PRKACB: variants seen among roughly 807,000 people sequenced by gnomAD.
PRKACB encodes protein kinase cAMP-activated catalytic subunit beta, also known as cAMP-dependent protein kinase catalytic subunit beta.
PRKACB carries 16 observed loss-of-function variants against 51.4 expected under a neutral mutation model. The ratio of observed to expected loss-of-function variants is 0.31; its 90% CI spans 0.21 to 0.47. PRKACB has a LOEUF of 0.47. PRKACB is among the 20% of genes least tolerant of loss of function. The pLI is 1.00. For synonymous variants in PRKACB, 147 were observed against 154.4 expected (o/e 0.95, Z 0.35); for missense variants, 309 against 464.5 (o/e 0.67, Z 3.08).
chr1:84,164,797 C>T (rs1305859772), intron 1 of PRKACB: 19 of 1,381,594 alleles, frequency 1.4e-5, no homozygotes, highest in Non-Finnish European at 1.8e-5. Context: ...CTGATGTTTA[C>T]TAGTGATATC....
intron 1 of PRKACB, among the ~76,000 whole-genome samples, chr1:84,109,086 T>C (rs1435196329): frequency 6.6e-6 from 1 of 152,018 alleles, no homozygotes; most frequent in Non-Finnish European, 1.5e-5. Context: ...AGTTGGAAAT[T>C]GTTCATTTTC....
At chr1:84,113,153 T>TG (rs1478752682) in intron 1 of PRKACB, among the ~76,000 whole-genome samples, 1 of 152,202 alleles carries the variant, frequency 6.6e-6, no homozygotes, top group Non-Finnish European at 1.5e-5. Flanking sequence ...ATGAGGTACC[T>TG]TTTTTAATTC....
rs140648391 is a variant in PRKACB at position 84,196,403 on chromosome 1, A to G, written c.561-213A>G. On this transcript the variant is annotated intron_variant, in intron 5 of 9. Coordinates refer to ENST00000370685, the MANE Select transcript of PRKACB (RefSeq NM_182948.4). ...TTAGGTTTATATTTTTCCTCAACAT[A>G]TGCTTCCCCATAAATTTATCAGAGC... 2.8e-3 allele frequency among the ~76,000 whole-genome samples: 434 copies of G among 152,300 alleles called. 2 individuals are homozygous for G. Among genetic ancestry groups the G allele is most frequent in the African/African-American group, 0.01 (418 of 41,578 alleles).
At chr1:84,148,751 T>G (rs749161541) in intron 1 of PRKACB, among the ~76,000 whole-genome samples, 14 of 152,208 alleles carry the variant, frequency 9.2e-5, no homozygotes, top group Non-Finnish European at 1.9e-4. Flanking sequence ...ACAAGCAGAC[T>G]TTATAGTAAA....
chr1:84,141,426 C>T (rs780306533), upstream of PRKACB, among the ~76,000 whole-genome samples: 33 of 151,772 alleles, frequency 2.2e-4, no homozygotes, highest in African/African-American at 4.1e-4. Flanking sequence ...ATCAAATATC[C>T]GAAGTACTTC....
chr1:84,082,564 A>T (rs953472670), intron 1 of PRKACB, among the ~76,000 whole-genome samples: 21 of 152,146 alleles, frequency 1.4e-4, no homozygotes, highest in Non-Finnish European at 2.8e-4. Context: ...GATAAAAAAA[A>T]TTATTATTTG....
intron 9 of PRKACB, among the ~76,000 whole-genome samples, chr1:84,230,050 G>T (rs370472680): frequency 4.7e-4 from 72 of 151,662 alleles, no homozygotes; most frequent in Non-Finnish European, 8.4e-4. Context: ...TTCTTCTAGG[G>T]TTTTTATGGT....
At chr1:84,103,919 A>G (rs1035495281) in intron 1 of PRKACB, among the ~76,000 whole-genome samples, 2 of 152,326 alleles carry the variant, frequency 1.3e-5, no homozygotes, top group South Asian at 4.1e-4. Flanking sequence ...GTAATGATCA[A>G]ATCAGGGTAA....
In PRKACB at chr1:84,186,896, A is replaced by AT. The variant is rs534935829; in HGVS notation, c.560+1716dup. Among the ~76,000 whole-genome samples the AT allele has an allele frequency of 5.1e-3, 771 of 152,274 alleles. 3 individuals are homozygous for AT. The highest frequency in any genetic ancestry group is 4.6e-3 in the Non-Finnish European group (310 of 68,018). ...GTTCCCACTTATCACTTCCATAGGT[A>AT]TTAGCAGTCATCTTTAAGTGTTGGG... On this transcript the variant is annotated intron_variant, in intron 5 of 9. Transcript: ENST00000370685.
chr1:84,198,928 T>C (rs1669018249), intron 7 of PRKACB, among the ~76,000 whole-genome samples: 1 of 146,002 alleles, frequency 6.8e-6, no homozygotes, highest in African/African-American at 2.6e-5. Flanking sequence ...TGTGTGTATA[T>C]ATGTATATGT....
chr1:84,087,186 A>G (rs1361249224), intron 1 of PRKACB, among the ~76,000 whole-genome samples: 1 of 152,246 alleles, frequency 6.6e-6, no homozygotes, highest in Non-Finnish European at 1.5e-5. Flanking sequence ...GGCAGCTAAC[A>G]GGAGTAAGAG....
intron 1 of PRKACB, among the ~76,000 whole-genome samples, chr1:84,111,653 G>A (rs1384501049): frequency 6.6e-6 from 1 of 151,684 alleles, no homozygotes; most frequent in Non-Finnish European, 1.5e-5. Context: ...CCTATAATCT[G>A]TGCAACAAAC....
At chr1:84,109,455 T>C (rs1557945733) in intron 1 of PRKACB, among the ~76,000 whole-genome samples, 1 of 151,980 alleles carries the variant, frequency 6.6e-6, no homozygotes, top group Non-Finnish European at 1.5e-5. Context: ...CTATATAGTG[T>C]TCTATTATAT....
At position 84,235,977 on chromosome 1, in the gene PRKACB, C is replaced by A. The variant is rs144259212; in HGVS notation, c.*672C>A. The A allele has an allele frequency of 5.2e-3, 789 of 152,688 alleles. 5 individuals are homozygous for A. The highest frequency in any genetic ancestry group is 7.7e-3 in the Non-Finnish European group (524 of 68,056). 9.5% of individuals were successfully genotyped at this position (152,688 alleles called of 1,614,324 possible). On this transcript the variant is annotated 3_prime_UTR_variant, in exon 10 of 10. Transcript: ENST00000370685. ...TAGTTCCCTTTCCCTCCTTTTATATCCTCCTCTCCTTGAGTAATGAAGTGA... is the reference window on the plus strand; with the variant it reads ...TAGTTCCCTTTCCCTCCTTTTATATACTCCTCTCCTTGAGTAATGAAGTGA...
chr1:84,238,248 GAAA>G lies in PRKACB; in HGVS notation c.*2951_*2953del, dbSNP rs902703615. On this transcript the variant is annotated 3_prime_UTR_variant, in exon 10 of 10. Transcript: ENST00000370685. ...GCCTGAAAATACTCATTGTAAGCCT[GAAA>G]AAAAAAATCTTTCCCACTGTTTTTT... The G allele has an allele frequency of 6.7e-6, 1 of 149,420 alleles. No individual in the cohort carries two copies. Among genetic ancestry groups the G allele is most frequent in the Non-Finnish European group, 1.5e-5 (1 of 67,054 alleles). 9.3% of individuals were successfully genotyped at this position (149,420 alleles called of 1,614,324 possible). A position where few individuals can be genotyped will look rare whatever the true frequency, so the allele number is the denominator to read the frequency against.
intron 8 of PRKACB, chr1:84,204,601 A>T: frequency 1.5e-6 from 2 of 1,331,762 alleles, no homozygotes; most frequent in Non-Finnish European, 2.0e-6. Flanking sequence ...ATGAAGAATG[A>T]TGAGAGAACC....
chr1:84,175,081 C>T, intron 1 of PRKACB: 1 of 1,416,648 alleles, frequency 7.1e-7, no homozygotes, highest in East Asian at 2.8e-5. Context: ...TTTAATAAAA[C>T]AAATATTACC....
intron 1 of PRKACB, among the ~76,000 whole-genome samples, chr1:84,171,448 A>G (rs771551591): frequency 7.1e-4 from 108 of 151,738 alleles, no homozygotes; most frequent in Non-Finnish European, 1.2e-3. Flanking sequence ...CAAAATTAGG[A>G]CTGGAGAGTT....
intron 7 of PRKACB, among the ~76,000 whole-genome samples, chr1:84,199,114 T>TGC (rs1669258499): frequency 1.5e-5 from 2 of 133,432 alleles, no homozygotes; most frequent in East Asian, 2.1e-4. Context: ...TGTATATATA[T>TGC]GCATATATAT....
Sources: allele counts gnomAD v4.1 joint callset (sites outside exome capture counted in the v4.1 genomes callset), GRCh38; gene constraint gnomAD v4.1.1; transcripts MANE v1.5; gene names NCBI Gene and HGNC (gene_info 2026-07-23, HGNC 2026-07-21).